Variants in ANKH observed in about 807,000 individuals in gnomAD.
ANKH encodes the protein ANKH inorganic pyrophosphate transport regulator.
ANKH carries 15 observed loss-of-function variants against 49.0 expected under a neutral mutation model. The ratio of observed to expected loss-of-function variants is 0.31; its 90% CI spans 0.20 to 0.47. ANKH has a LOEUF of 0.47. Among genes scored for constraint, ANKH ranks in the 20% least tolerant of loss-of-function variants. The probability of loss-of-function intolerance (pLI) is 1.00; values close to 1 mark genes in which losing one functional copy is unlikely to be tolerated. For missense variants in ANKH, 429 were observed against 652.0 expected (o/e 0.66, Z 3.72); for synonymous variants, 273 against 260.0 (o/e 1.05, Z -0.48).
intron 1 of ANKH, among the ~76,000 whole-genome samples, chr5:14,842,734 C>A (rs778453752): frequency 6.6e-6 from 1 of 152,148 alleles, no homozygotes; most frequent in Non-Finnish European, 1.5e-5. Flanking sequence ...GGGTTTTCTT[C>A]TATCAAGCCC....
At chr5:14,750,346 A>G (rs1048117558) in intron 5 of ANKH, among the ~76,000 whole-genome samples, 2 of 152,224 alleles carry the variant, frequency 1.3e-5, no homozygotes, top group Non-Finnish European at 2.9e-5. Context: ...AAGGTTCTCT[A>G]TCTCATTCCT....
chr5:14,821,710 A>G (rs1371697650), intron 1 of ANKH, among the ~76,000 whole-genome samples: 1 of 152,248 alleles, frequency 6.6e-6, no homozygotes, highest in Non-Finnish European at 1.5e-5. Context: ...AACTAAAGAA[A>G]GCACTGTGAC....
chr5:14,755,661 C>T (rs982349306), intron 4 of ANKH, among the ~76,000 whole-genome samples, 200 bp downstream of exon 4: 1 of 152,190 alleles, frequency 6.6e-6, no homozygotes, highest in Non-Finnish European at 1.5e-5. Flanking sequence ...CAAGATTATA[C>T]ATACTGTTAT....
intron 1 of ANKH, among the ~76,000 whole-genome samples, chr5:14,771,921 GAA>G (rs869185652): frequency 2.8e-4 from 15 of 53,392 alleles, no homozygotes; most frequent in Middle Eastern, 0.019. Context: ...CTCAAAAAAA[GAA>G]AAAAAAAAAA....
intron 1 of ANKH, among the ~76,000 whole-genome samples, chr5:14,842,580 T>C (rs1741843780): frequency 6.6e-6 from 1 of 152,134 alleles, no homozygotes; most frequent in African/African-American, 2.4e-5. Context: ...TCAAACTGCA[T>C]AAGACCTGGG....
intron 8 of ANKH, among the ~76,000 whole-genome samples, chr5:14,740,939 C>T (rs16903680): frequency 0.05 from 7,672 of 152,208 alleles, 293 homozygotes; most frequent in East Asian, 0.13. Flanking sequence ...AAGTTTCTAC[C>T]GGATTTAATA....
intron 1 of ANKH, among the ~76,000 whole-genome samples, chr5:14,812,990 A>G (rs1191374436): frequency 6.6e-6 from 1 of 152,150 alleles, no homozygotes; most frequent in Non-Finnish European, 1.5e-5. Context: ...CATATGGTTG[A>G]AGCACTTTGG....
intron 8 of ANKH, among the ~76,000 whole-genome samples, chr5:14,726,283 T>A (rs147042231): frequency 2.1e-4 from 32 of 152,288 alleles, no homozygotes; most frequent in African/African-American, 7.7e-4. Flanking sequence ...TGTTTCTTAG[T>A]GCCAGACTGC....
At chr5:14,818,905 T>C (rs1178589027) in intron 1 of ANKH, among the ~76,000 whole-genome samples, 1 of 152,188 alleles carries the variant, frequency 6.6e-6, no homozygotes, top group South Asian at 2.1e-4. Context: ...CTAGAATTTA[T>C]ACTGAATCGC....
chr5:14,781,913 C>T (rs1739818834), intron 1 of ANKH, among the ~76,000 whole-genome samples: 1 of 152,128 alleles, frequency 6.6e-6, no homozygotes, highest in African/African-American at 2.4e-5. Context: ...GAAACAGCAC[C>T]ACCAACTCCA....
chr5:14,758,476 T>C lies in ANKH; in HGVS notation c.432+4A>G, dbSNP rs774815620. On this transcript the variant is annotated splice_donor_region_variant and intron_variant, in intron 3 of 11. Coordinates refer to ENST00000284268, the MANE Select transcript of ANKH (RefSeq NM_054027.6). ...AAAGAAAGCCAACGATCTTCTCTAC[T>C]CACCATTGCGTCCATGAAAGGAAAG... 6 of 1,607,968 alleles carry C rather than the reference T, an allele frequency of 3.7e-6. No individual in the cohort carries two copies. The highest frequency in any genetic ancestry group is 5.1e-6 in the Non-Finnish European group (6 of 1,174,408).
At chr5:14,714,424 C>T (rs980438552) in intron 9 of ANKH, among the ~76,000 whole-genome samples, 6 of 152,230 alleles carry the variant, frequency 3.9e-5, no homozygotes, top group East Asian at 1.9e-4. Flanking sequence ...GGCTTGAGGA[C>T]GCGCAGGGCA....
intron 1 of ANKH, among the ~76,000 whole-genome samples, chr5:14,827,181 G>A (rs1193005064): frequency 6.6e-6 from 1 of 152,206 alleles, no homozygotes; most frequent in Non-Finnish European, 1.5e-5. Context: ...GCGTGACTCT[G>A]ACATACTCCT....
rs550094209 is a variant in ANKH at position 14,709,958 on chromosome 5, AAATC to A, written c.*1235_*1238del. On this transcript the variant is annotated 3_prime_UTR_variant, in exon 12 of 12. Transcript: ENST00000284268. The stretch of plus-strand genomic sequence containing the variant: ...TTCTTTCAGTCTAGGAATTCTGACT[AAATC>A]AATTTAGTGAACCGTGTCTATAATT... The A allele has an allele frequency of 1.0e-4, 16 of 152,398 alleles. No individual in the cohort carries two copies. In the South Asian group the frequency reaches 3.1e-3, roughly 30 times the overall value. The allele number at this position is 152,398 out of a possible 1,614,324, so 9.4% of individuals were successfully genotyped here. A position where few individuals can be genotyped will look rare whatever the true frequency, so the allele number is the denominator to read the frequency against.
intron 1 of ANKH, among the ~76,000 whole-genome samples, chr5:14,825,251 A>T (rs560462318): frequency 1.1e-4 from 17 of 152,192 alleles, no homozygotes; most frequent in Non-Finnish European, 1.6e-4. Flanking sequence ...AGAAATTCTA[A>T]CTACTCAGCT....
chr5:14,732,132 G>A (rs1249175491), intron 8 of ANKH, among the ~76,000 whole-genome samples: 1 of 152,202 alleles, frequency 6.6e-6, no homozygotes, highest in Non-Finnish European at 1.5e-5. Flanking sequence ...GGTTGTGTCT[G>A]TGGTTCTATC....
chr5:14,738,890 A>C (rs773252037), intron 8 of ANKH, among the ~76,000 whole-genome samples: 5 of 152,178 alleles, frequency 3.3e-5, no homozygotes, highest in Non-Finnish European at 7.4e-5. Flanking sequence ...TACCTTACTG[A>C]CCGGTGTCTC....
chr5:14,789,232 A>AAAC (rs953921648), intron 1 of ANKH, among the ~76,000 whole-genome samples: 3 of 152,140 alleles, frequency 2.0e-5, no homozygotes, highest in Admixed American at 6.5e-5. Context: ...CTGTCTCCAA[A>AAAC]AACAACAACA....
intron 4 of ANKH, among the ~76,000 whole-genome samples, chr5:14,751,836 T>C (rs537637228): frequency 6.6e-6 from 1 of 152,186 alleles, no homozygotes; most frequent in Admixed American, 6.5e-5. Flanking sequence ...TTCAAAGTAC[T>C]TTGCATGGAA....
Sources: gnomAD v4.1 joint callset for allele counts (sites outside exome capture counted in the v4.1 genomes callset) on GRCh38, gnomAD v4.1.1 for gene constraint, MANE v1.5 for transcripts, NCBI Gene and HGNC (gene_info 2026-07-23, HGNC 2026-07-21) for gene names.